The following SLC6A17 variants were observed in gnomAD, a reference collection of about 807,000 sequenced individuals.
The protein encoded by SLC6A17 is solute carrier family 6 member 17.
A neutral mutation model predicts 64.5 loss-of-function variants in SLC6A17; 21 were observed. That is an observed-to-expected ratio of 0.33 (90% CI 0.23 to 0.47). SLC6A17 has a LOEUF of 0.47. SLC6A17 is among the 20% of genes least tolerant of loss of function. The pLI is 1.00. For synonymous variants in SLC6A17, 372 were observed against 399.5 expected, an observed-to-expected ratio of 0.93 and a Z score of 0.82; for missense variants, 682 against 963.2, an observed-to-expected ratio of 0.71 and a Z score of 3.86.
chr1:110,195,626 C>T lies in SLC6A17; in HGVS notation c.1533C>T (p.Phe511=), dbSNP rs868110729. 3.1e-6 allele frequency: 5 copies of T among 1,614,088 alleles called. No individual in the cohort carries two copies. Among genetic ancestry groups the T allele is most frequent in the Non-Finnish European group, 3.4e-6 (4 of 1,180,042 alleles). ...TTGCATTCCTCGTGGGGCTGTTGTT[C>T]GTCCAGCGCTCCGGAAACTACTTTG... is the stretch of plus-strand genomic sequence containing the variant. ...CVFAFLVGLL[F]VQRSGNYFVT... Residue 511 remains phenylalanine, a synonymous_variant, in exon 10 of 12, where the codon TTC becomes TTT. Transcript: ENST00000331565.
Position 110,192,644 on chromosome 1 carries a change from C to T in SLC6A17, c.1245C>T (p.Asp415=), listed in dbSNP as rs769339420. The T allele has an allele frequency of 6.2e-7, 1 of 1,614,064 alleles. No individual in the cohort carries two copies. Among genetic ancestry groups the T allele is most frequent in the African/African-American group, 1.3e-5 (1 of 74,944 alleles). Residue 415 remains aspartate (D), a synonymous_variant, in exon 8 of 12, where the codon GAC becomes GAT. Coordinates refer to ENST00000331565, the MANE Select transcript of SLC6A17 (RefSeq NM_001010898.4). This position sits in a 1 kb window ranked among gnomAD's most constrained non-coding sequence, Gnocchi z 4.3. The part of the protein sequence containing the change: ...MYNVIMTVKE[D]QFSALGLDPC... ...ATGTCATCATGACCGTGAAGGAGGA[C>T]CAGTTCTCAGCCCTGGGCCTTGACC...
Position 110,174,970 on chromosome 1 carries a change from GA to G in SLC6A17, c.753+11del, listed in dbSNP as rs1323612503. 1 of 1,610,756 alleles carries G rather than the reference GA, an allele frequency of 6.2e-7. No individual in the cohort carries two copies. The highest frequency in any genetic ancestry group is 1.3e-5 in the African/African-American group (1 of 74,892). ...CCAGTCCTCGGGGAAGGTGAGTGCT[GA>G]GGGGGGCACCCAGGACCCAAATGGG... On this transcript the variant is annotated intron_variant, in intron 5 of 11. Coordinates refer to ENST00000331565, the MANE Select transcript of SLC6A17 (RefSeq NM_001010898.4).
In SLC6A17 at chr1:110,191,984, C is replaced by G; in HGVS notation, c.877C>G (p.Leu293Val). 2 of 1,613,896 alleles carry G rather than the reference C, an allele frequency of 1.2e-6. 1 individual carries two copies. The highest frequency in any genetic ancestry group is 2.2e-5 in the South Asian group (2 of 91,062). The change falls in exon 7 of 12, where the codon CTG (leucine) becomes GTG (valine). Residue 293 changes from leucine (L) to valine (V), a missense_variant. Around this residue, in one of 3 missense-constraint regions of SLC6A17, gnomAD observed 415 missense variants for 603.8 expected, o/e 0.69. Coordinates refer to ENST00000331565, the MANE Select transcript of SLC6A17 (RefSeq NM_001010898.4). ...TCTTCTGCCATAGCTGGACAAGATG[C>G]TGGACCCCCAGGTGTGGCGGGAGGC... is the stretch of plus-strand genomic sequence containing the variant. ...HMFTPKLDKM[L>V]DPQVWREAAT...
At chr1:110,175,654 A>G (rs373023159) in intron 5 of SLC6A17, among the ~76,000 whole-genome samples, 40 of 152,326 alleles carry the variant, frequency 2.6e-4, no homozygotes, top group African/African-American at 9.6e-4. Flanking sequence ...AACATCACGC[A>G]GCCAGTCAGT....
intron 2 of SLC6A17, among the ~76,000 whole-genome samples, chr1:110,168,710 T>C (rs1656139849): frequency 2.0e-5 from 3 of 152,218 alleles, no homozygotes. Flanking sequence ...AGGACTTAGC[T>C]GGGAACTTCT....
chr1:110,167,358 T>G, intron 2 of SLC6A17, 143 bp downstream of exon 2: 1 of 1,070,142 alleles, frequency 9.3e-7, no homozygotes, highest in South Asian at 1.7e-5. Context: ...AGCCCAGGAA[T>G]AGCTATAATG....
chr1:110,151,579 G>A (rs924513181), intron 1 of SLC6A17, among the ~76,000 whole-genome samples: 34 of 152,186 alleles, frequency 2.2e-4, no homozygotes, highest in African/African-American at 8.0e-4. Flanking sequence ...GCCTGTGTGC[G>A]CCGTGCTCTG....
chr1:110,161,960 A>G (rs972755063), intron 1 of SLC6A17, among the ~76,000 whole-genome samples: 7 of 152,166 alleles, frequency 4.6e-5, no homozygotes, highest in Non-Finnish European at 8.8e-5. Context: ...TTCTCCTTTC[A>G]AGAAGATTCG....
intron 4 of SLC6A17, 127 bp from the exon 5 acceptor site, chr1:110,174,652 C>A: frequency 8.5e-7 from 1 of 1,176,124 alleles, no homozygotes; most frequent in South Asian, 1.5e-5. Flanking sequence ...AAGATGAGCA[C>A]AGCCCCTCCC....
chr1:110,182,444 G>A (rs1656556180), intron 6 of SLC6A17, among the ~76,000 whole-genome samples: 1 of 151,974 alleles, frequency 6.6e-6, no homozygotes, highest in African/African-American at 2.4e-5. Flanking sequence ...CAGGTGTGGA[G>A]GTCTACATTT....
Position 110,200,452 on chromosome 1 carries a change from G to T in SLC6A17, c.*2008G>T, listed in dbSNP as rs1657095016. On this transcript the variant is annotated 3_prime_UTR_variant, in exon 12 of 12. Transcript: ENST00000331565. ...AGCAACAGGAAAAGCAGAGCCCCAG[G>T]AGAGACACTCTACTATATATACTCT... 4.3e-6 allele frequency: 1 copy of T among 232,236 alleles called. No homozygotes were observed. The allele number at this position is 232,236 out of a possible 1,614,324, so 14.4% of individuals were successfully genotyped here.
chr1:110,181,207 G>T (rs1292837954), intron 6 of SLC6A17, among the ~76,000 whole-genome samples: 2 of 152,202 alleles, frequency 1.3e-5, no homozygotes, highest in African/African-American at 4.8e-5. Flanking sequence ...TTGATATAAA[G>T]TGGTAGATTA....
chr1:110,175,368 A>G (rs1207813122), intron 5 of SLC6A17, among the ~76,000 whole-genome samples: 4 of 152,192 alleles, frequency 2.6e-5, no homozygotes, highest in African/African-American at 9.7e-5. Flanking sequence ...CTACAGCTAA[A>G]GGGCCCTTTG....
At chr1:110,165,477 C>A (rs1001467793) in intron 1 of SLC6A17, among the ~76,000 whole-genome samples, 1 of 152,196 alleles carries the variant, frequency 6.6e-6, no homozygotes, top group African/African-American at 2.4e-5. Context: ...AGGGGGCAGT[C>A]ACTAAAGACT....
At chr1:110,153,110 C>T (rs1012178678) in intron 1 of SLC6A17, among the ~76,000 whole-genome samples, 1 of 152,138 alleles carries the variant, frequency 6.6e-6, no homozygotes, top group Non-Finnish European at 1.5e-5. Context: ...TGGCCACCTG[C>T]AACAGCTCTG....
chr1:110,180,453 T>G (rs1656491753), intron 6 of SLC6A17, among the ~76,000 whole-genome samples: 2 of 152,174 alleles, frequency 1.3e-5, no homozygotes, highest in Non-Finnish European at 2.9e-5. Context: ...CTGAGCTGGC[T>G]GAGAAGGAAG....
Position 110,174,880 on chromosome 1 carries a change from T to G in SLC6A17, c.673T>G (p.Trp225Gly). The G allele has an allele frequency of 6.2e-7, 1 of 1,614,170 alleles. No homozygotes were observed. The highest frequency in any genetic ancestry group is 2.2e-5 in the East Asian group (1 of 44,884). ...DSISESGGLN[W>G]KMTLCLLVAW... Reference sequence around the variant, plus strand: ...CATCTCGGAGAGTGGGGGCCTCAACTGGAAGATGACCCTGTGCCTCCTCGT... The same window carrying G: ...CATCTCGGAGAGTGGGGGCCTCAACGGGAAGATGACCCTGTGCCTCCTCGT... Residue 225 changes from tryptophan to glycine, a missense_variant, in exon 5 of 12, where the codon TGG (tryptophan) becomes GGG (glycine). Transcript: ENST00000331565.
At chr1:110,154,867 C>G (rs1655713946) in intron 1 of SLC6A17, among the ~76,000 whole-genome samples, 1 of 152,202 alleles carries the variant, frequency 6.6e-6, no homozygotes. Context: ...ACTAACACTT[C>G]AAGGTTATTT....
In SLC6A17 at chr1:110,199,769, C is replaced by T. The variant is rs1042850389; in HGVS notation, c.*1325C>T. 5.1e-6 allele frequency: 2 copies of T among 393,666 alleles called. No individual in the cohort carries two copies. Among genetic ancestry groups the T allele is most frequent in the African/African-American group, 4.1e-5 (2 of 48,538 alleles). The allele number at this position is 393,666 out of a possible 1,614,324, so 24.4% of individuals were successfully genotyped here. A position where few individuals can be genotyped will look rare whatever the true frequency, so the allele number is the denominator to read the frequency against. ...CACCTGCCATTACCTTCAGGGCCTC[C>T]TCTGGAAGAGAACCCATTCTCAGAG... On this transcript the variant is annotated 3_prime_UTR_variant, in exon 12 of 12. Coordinates refer to ENST00000331565, the MANE Select transcript of SLC6A17 (RefSeq NM_001010898.4).
Sources: allele counts gnomAD v4.1 joint callset (sites outside exome capture counted in the v4.1 genomes callset), GRCh38; gene constraint gnomAD v4.1.1; regional missense constraint gnomAD v4.1.1; non-coding constraint Gnocchi (gnomAD v3.1); transcripts MANE v1.5; gene names NCBI Gene and HGNC (gene_info 2026-07-23, HGNC 2026-07-21).